BMPR2: variants seen among roughly 807,000 people sequenced by gnomAD.
BMPR2 encodes bone morphogenetic protein receptor type-2.
BMPR2 carries 29 observed loss-of-function variants against 100.8 expected under a neutral mutation model. The observed-to-expected ratio is 0.29, with a 90% CI of 0.21 to 0.39. The LOEUF (loss-of-function observed/expected upper bound fraction) is 0.39. Among genes scored for constraint, BMPR2 ranks in the 10% least tolerant of loss-of-function variants. BMPR2 has a pLI of 1.00. For missense variants in BMPR2, 1,011 were observed against 1,274.5 expected (o/e 0.79, Z 3.15); for synonymous variants, 382 against 442.3 (o/e 0.86, Z 1.71).
chr2:202,545,114 C>G (rs1448247186), intron 10 of BMPR2, among the ~76,000 whole-genome samples: 1 of 121,132 alleles, frequency 8.3e-6, no homozygotes, highest in Non-Finnish European at 1.8e-5. Flanking sequence ...TCTGGAATTC[C>G]CACTAGACAA....
intron 1 of BMPR2, among the ~76,000 whole-genome samples, chr2:202,428,406 CTT>C (rs1353526956): frequency 2.1e-5 from 2 of 95,486 alleles, no homozygotes; most frequent in Non-Finnish European, 5.1e-5. Flanking sequence ...TTCTCTCTCT[CTT>C]TTTTTTTTAA....
At chr2:202,472,793 C>G (rs1305079047) in intron 3 of BMPR2, among the ~76,000 whole-genome samples, 2 of 152,098 alleles carry the variant, frequency 1.3e-5, no homozygotes, top group Admixed American at 1.3e-4. Context: ...AGGAATATTG[C>G]CAGCTAGGAA....
rs778936894 is a variant in BMPR2, at chr2:202,532,580, A to T, written c.1129-5A>T. ...TCTCTAAAAAATATCACTCTAATTT[A>T]TCAGGTTGGCACTATCAGATATATG... On this transcript the variant is annotated splice_region_variant and splice_polypyrimidine_tract_variant and intron_variant, in intron 8 of 12. Transcript: ENST00000374580. The surrounding 1 kb of genome is among the most constrained non-coding windows in gnomAD (Gnocchi z 4.1). 1 of 1,613,784 alleles carries T rather than the reference A, an allele frequency of 6.2e-7. No homozygotes were observed. The highest frequency in any genetic ancestry group is 1.1e-5 in the South Asian group (1 of 91,074).
Position 202,530,012 on chromosome 2 carries a change from A to G in BMPR2, c.968-782A>G, listed in dbSNP as rs142467278. ...GAGAAGAAAAATATAATGTACTTAT[A>G]TTTGGTGAGAGGCTTAGGTTAGATT... On this transcript the variant is annotated intron_variant, in intron 7 of 12. Coordinates refer to ENST00000374580, the MANE Select transcript of BMPR2 (RefSeq NM_001204.7). Among the ~76,000 whole-genome samples the G allele has an allele frequency of 3.0e-3, 455 of 152,268 alleles. 3 individuals carry two copies. Among genetic ancestry groups the G allele is most frequent in the African/African-American group, 0.011 (441 of 41,562 alleles).
chr2:202,482,450 T>C (rs939872440), intron 3 of BMPR2, among the ~76,000 whole-genome samples: 4 of 152,170 alleles, frequency 2.6e-5, no homozygotes, highest in African/African-American at 9.6e-5. Context: ...CATAGCTCAC[T>C]GTAACCTTGA....
intron 11 of BMPR2, 34 bp from the exon 12 acceptor site, chr2:202,555,218 G>A (rs769196929): frequency 7.6e-6 from 12 of 1,569,004 alleles, no homozygotes; most frequent in Middle Eastern, 1.7e-4. Flanking sequence ...ATAAATGTAC[G>A]TTCTCAATGT....
Position 202,567,411 on chromosome 2 carries a change from T to C in BMPR2, c.*7465T>C, listed in dbSNP as rs1271732098. ...ACAGATAGACTATCATATATGACTT[T>C]ATGAATAATTTCAGTTATTTTGCTT... On this transcript the variant is annotated 3_prime_UTR_variant, in exon 13 of 13. Transcript: ENST00000374580. 1 of 152,676 alleles carries C rather than the reference T, an allele frequency of 6.5e-6. No homozygotes were observed. Among genetic ancestry groups the C allele is most frequent in the African/African-American group, 2.4e-5 (1 of 41,454 alleles). The allele number at this position is 152,676 out of a possible 1,614,324, so 9.5% of individuals were successfully genotyped here.
At chr2:202,396,091 G>T (rs1161485368) in intron 1 of BMPR2, among the ~76,000 whole-genome samples, 1 of 152,216 alleles carries the variant, frequency 6.6e-6, no homozygotes, top group Non-Finnish European at 1.5e-5. Context: ...GAGTGATCCA[G>T]TCCTAAACAG....
At chr2:202,436,753 A>G (rs1691623412) in intron 1 of BMPR2, among the ~76,000 whole-genome samples, 1 of 150,604 alleles carries the variant, frequency 6.6e-6, no homozygotes, top group Non-Finnish European at 1.5e-5. Flanking sequence ...TTCCTAGAAA[A>G]TGATGTATTC....
chr2:202,471,729 C>T (rs898112538), intron 3 of BMPR2, among the ~76,000 whole-genome samples: 1 of 152,078 alleles, frequency 6.6e-6, no homozygotes, highest in African/African-American at 2.4e-5. Context: ...CTGTCTTTTA[C>T]TGGATGAGAA....
At chr2:202,535,194 A>G (rs1390059031) in intron 9 of BMPR2, among the ~76,000 whole-genome samples, 2 of 129,162 alleles carry the variant, frequency 1.5e-5, no homozygotes, top group South Asian at 5.2e-4. Context: ...GACCCCCCCC[A>G]CCTCCCTCCC....
At chr2:202,415,758 C>G (rs1165690517) in intron 1 of BMPR2, among the ~76,000 whole-genome samples, 1 of 152,090 alleles carries the variant, frequency 6.6e-6, no homozygotes. Context: ...AACTACTGCT[C>G]AGAAAAAAAG....
At chr2:202,382,660 C>G (rs1690328381) in intron 1 of BMPR2, among the ~76,000 whole-genome samples, 2 of 152,166 alleles carry the variant, frequency 1.3e-5, no homozygotes, top group Admixed American at 1.3e-4. Flanking sequence ...TTTATTGACT[C>G]AAATAACACA....
rs57196325 is a variant in BMPR2, at chr2:202,416,427, A to ATTTTTT, written c.76+38889_76+38894dup. On this transcript the variant is annotated intron_variant, in intron 1 of 12. Coordinates refer to ENST00000374580, the MANE Select transcript of BMPR2 (RefSeq NM_001204.7). ...AGGTGTGCACTACCACACCTGGATA[A>ATTTTTT]TTTTTTTTTTTTTTTTTGAGATGGA... Among the ~76,000 whole-genome samples, 69 of 137,018 alleles carry ATTTTTT rather than the reference A, an allele frequency of 5.0e-4. 1 individual carries two copies. Among genetic ancestry groups the ATTTTTT allele is most frequent in the African/African-American group, 1.7e-3 (62 of 36,562 alleles). The allele number at this position is 137,018 out of a possible 152,430, so 89.9% of individuals were successfully genotyped here. A position where few individuals can be genotyped will look rare whatever the true frequency, so the allele number is the denominator to read the frequency against.
At chr2:202,542,469 A>T (rs201941008) in intron 10 of BMPR2, 22 bp downstream of exon 10, 1 of 1,612,542 alleles carries the variant, frequency 6.2e-7, no homozygotes, top group East Asian at 2.2e-5. Context: ...CTAAGTTATT[A>T]AAGAGAGGAC....
intron 10 of BMPR2, among the ~76,000 whole-genome samples, chr2:202,547,745 T>G (rs941021093): frequency 2.4e-5 from 3 of 125,906 alleles, no homozygotes; most frequent in African/African-American, 9.6e-5. Context: ...ATCATGCCAC[T>G]GCAATCCAGC....
chr2:202,426,723 A>C (rs535588605), intron 1 of BMPR2, among the ~76,000 whole-genome samples: 11 of 152,008 alleles, frequency 7.2e-5, no homozygotes, highest in Non-Finnish European at 1.3e-4. Context: ...CTCTTCAAAT[A>C]TTTAAAAACT....
chr2:202,464,156 T>C (rs1692273248), intron 1 of BMPR2, among the ~76,000 whole-genome samples: 1 of 115,918 alleles, frequency 8.6e-6, no homozygotes, highest in African/African-American at 3.3e-5. Context: ...CGAAACTCTG[T>C]CTCAAAAAAA....
At chr2:202,508,700 G>A (rs2105998081) in intron 3 of BMPR2, among the ~76,000 whole-genome samples, 1 of 152,286 alleles carries the variant, frequency 6.6e-6, no homozygotes, top group Non-Finnish European at 1.5e-5. Context: ...TTAGTGATGG[G>A]CATTTGGAAT....
Sources: allele counts gnomAD v4.1 joint callset (sites outside exome capture counted in the v4.1 genomes callset), GRCh38; gene constraint gnomAD v4.1.1; non-coding constraint Gnocchi (gnomAD v3.1); transcripts MANE v1.5; gene names NCBI Gene and HGNC (gene_info 2026-07-23, HGNC 2026-07-21).